Variants in NRXN2 observed in about 807,000 individuals in gnomAD.
The protein encoded by NRXN2 is neurexin-2-beta.
NRXN2 carries 29 observed loss-of-function variants against 128.8 expected under a neutral mutation model. That is an observed-to-expected ratio of 0.23 (90% CI 0.17 to 0.31). The LOEUF is 0.31. Among genes scored for constraint, NRXN2 ranks in the 10% least tolerant of loss-of-function variants. The pLI is 1.00. For missense variants in NRXN2, 1,881 were observed against 2,452.6 expected, an observed-to-expected ratio of 0.77 and a Z score of 4.92; for synonymous variants, 1,098 against 1,075.2, an observed-to-expected ratio of 1.02 and a Z score of -0.41.
intron 6 of NRXN2, 28 bp from the exon 7 acceptor site, chr11:64,677,065 A>G (rs780239246): frequency 1.5e-6 from 2 of 1,299,950 alleles, no homozygotes; most frequent in Non-Finnish European, 2.1e-6. Context: ...GGGGATGGGG[A>G]GGAGGGGGGT....
intron 5 of NRXN2, among the ~76,000 whole-genome samples, chr11:64,689,804 A>C (rs1001141975): frequency 6.6e-6 from 1 of 152,214 alleles, no homozygotes; most frequent in African/African-American, 2.4e-5. Context: ...GATGGCGGAA[A>C]TCCAGGCAAA....
intron 3 of NRXN2, 29 bp downstream of exon 3, chr11:64,697,746 T>C: frequency 1.2e-6 from 2 of 1,613,466 alleles, no homozygotes; most frequent in Non-Finnish European, 1.7e-6. Flanking sequence ...ACAGATCCAC[T>C]ACCCCAGTGA....
intron 6 of NRXN2, among the ~76,000 whole-genome samples, chr11:64,680,914 T>C (rs1216002610): frequency 6.6e-6 from 1 of 151,892 alleles, no homozygotes; most frequent in Non-Finnish European, 1.5e-5. Flanking sequence ...CTGGCCAACA[T>C]GGTGAAACCC....
In NRXN2 at chr11:64,635,204, A is replaced by G; in HGVS notation, c.3585+67T>C. The G allele has an allele frequency of 6.4e-7, 1 of 1,571,882 alleles. No individual in the cohort carries two copies. Among genetic ancestry groups the G allele is most frequent in the Middle Eastern group, 2.3e-4 (1 of 4,410 alleles). The stretch of plus-strand genomic sequence containing the variant: ...GACTTGAGGTGCTGATCCCATGGCA[A>G]TGAGGGGCTGAACTGATTTGGGAGC... On this transcript the variant is annotated intron_variant, in intron 18 of 22. Transcript: ENST00000265459. The surrounding 1 kb of genome is among the most constrained non-coding windows in gnomAD (Gnocchi z 4.8).
intron 1 of NRXN2, among the ~76,000 whole-genome samples, chr11:64,722,561 A>C (rs2057461548): frequency 6.7e-6 from 1 of 150,136 alleles, no homozygotes; most frequent in African/African-American, 2.5e-5. Context: ...CCTCCCACGA[A>C]GCCCAGTTTC....
At position 64,631,082 on chromosome 11, in the gene NRXN2, G is replaced by A. The variant is rs550206690; in HGVS notation, c.3586-509C>T. ...CTCTGTACCAAGCAGGCCCCCAGGG[G>A]GCTTCCACCCACACCAGGGCATTAG... On this transcript the variant is annotated intron_variant, in intron 18 of 22. Transcript: ENST00000265459. The surrounding 1 kb of genome is among the most constrained non-coding windows in gnomAD (Gnocchi z 4.8). Among the ~76,000 whole-genome samples, 2 of 152,342 alleles carry A rather than the reference G, an allele frequency of 1.3e-5. No individual in the cohort carries two copies. Among genetic ancestry groups the A allele is most frequent in the South Asian group, 4.1e-4 (2 of 4,830 alleles).
intron 17 of NRXN2, chr11:64,643,161 G>A (rs2046021152): frequency 4.1e-6 from 4 of 976,228 alleles, no homozygotes; most frequent in African/African-American, 3.7e-5. Flanking sequence ...GGAGCGCGGG[G>A]GCCAAGCAGG....
rs756556861 is a variant in NRXN2, at chr11:64,622,790, C to T, written c.4136G>A (p.Arg1379Gln). ...GTCCCTCAGTGTGGGGGAGCGGCCC[C>T]GGCGCGTGGTGGTAGTGGCCATGGT... Reference protein sequence around the residue: ...TTTMATTTTRRGRSPTLRDST... With the variant: ...TTTMATTTTRQGRSPTLRDST... Residue 1379 changes from arginine (R) to glutamine (Q), a missense_variant, in exon 21 of 23, where the codon CGG becomes CAG. This residue lies in a region of NRXN2 where 108 missense variants were observed against 165.2 expected (regional missense o/e 0.65). Coordinates refer to ENST00000265459, the MANE Select transcript of NRXN2 (RefSeq NM_015080.4). This position sits in a 1 kb window ranked among gnomAD's most constrained non-coding sequence, Gnocchi z 4.3. The T allele has an allele frequency of 3.1e-6, 5 of 1,611,794 alleles. No individual in the cohort carries two copies. Among genetic ancestry groups the T allele is most frequent in the Non-Finnish European group, 4.2e-6 (5 of 1,179,928 alleles).
At chr11:64,638,107 G>A (rs532611232) in intron 17 of NRXN2, among the ~76,000 whole-genome samples, 6 of 152,128 alleles carry the variant, frequency 3.9e-5, no homozygotes, top group Non-Finnish European at 8.8e-5. Context: ...CCCAGGACAG[G>A]GACTGGCCAA....
chr11:64,666,241 G>A (rs957702543), intron 9 of NRXN2, among the ~76,000 whole-genome samples: 7 of 145,184 alleles, frequency 4.8e-5, no homozygotes, highest in South Asian at 2.1e-4. Flanking sequence ...TTCCTCTGTC[G>A]CCCAGGCTGG....
intron 22 of NRXN2, among the ~76,000 whole-genome samples, chr11:64,609,241 C>A (rs983915490): frequency 6.6e-6 from 1 of 152,054 alleles, no homozygotes; most frequent in African/African-American, 2.4e-5. Flanking sequence ...CTCTGACCCC[C>A]ACTGACTTCC....
chr11:64,661,351 T>G (rs1015464341), intron 9 of NRXN2: 1 of 1,449,890 alleles, frequency 6.9e-7, no homozygotes, highest in South Asian at 1.4e-5. Flanking sequence ...GAGGCTTCTG[T>G]GACGCAGCCC....
chr11:64,657,704 C>T (rs1337285615), intron 11 of NRXN2, among the ~76,000 whole-genome samples: 1 of 152,186 alleles, frequency 6.6e-6, no homozygotes, highest in African/African-American at 2.4e-5. Context: ...AGAACTCTTC[C>T]CATCCCAACC....
In NRXN2 at chr11:64,647,205, C is replaced by T. The variant is rs566040031; in HGVS notation, c.3403+1014G>A. Among the ~76,000 whole-genome samples, 161 of 133,690 alleles carry T rather than the reference C, an allele frequency of 1.2e-3. 1 individual carries two copies. Among genetic ancestry groups the T allele is most frequent in the African/African-American group, 5.0e-3 (155 of 30,848 alleles). 87.7% of individuals were successfully genotyped at this position (133,690 alleles called of 152,430 possible). The stretch of plus-strand genomic sequence containing the variant: ...CCATGTCTGTAAAATGGAGACGCTT[C>T]GTTGTGTGTGTGTGTGTGTGTGTGT... On this transcript the variant is annotated intron_variant, in intron 17 of 22. Coordinates refer to ENST00000265459, the MANE Select transcript of NRXN2 (RefSeq NM_015080.4).
In NRXN2 at chr11:64,630,681, C is replaced by A. The variant is rs1036002258; in HGVS notation, c.3586-108G>T. The stretch of plus-strand genomic sequence containing the variant: ...GCCCAGCTCCGCAGCACTTAAGGCA[C>A]CTTTCCCAGGTCTCAACCGCTGGAG... On this transcript the variant is annotated intron_variant, in intron 18 of 22. Transcript: ENST00000265459. The surrounding 1 kb of genome is among the most constrained non-coding windows in gnomAD (Gnocchi z 4.6). 30 of 1,310,048 alleles carry A rather than the reference C, an allele frequency of 2.3e-5. No individual in the cohort carries two copies. The East Asian group carries it at 6.9e-4, about 30-fold the overall frequency. 81.2% of individuals were successfully genotyped at this position (1,310,048 alleles called of 1,614,324 possible).
chr11:64,642,709 GGT>G, intron 17 of NRXN2: 1 of 1,479,018 alleles, frequency 6.8e-7, no homozygotes, highest in Non-Finnish European at 9.0e-7. Context: ...CGGCAGCAGA[GGT>G]GGCGGCGGCG....
At position 64,635,250 on chromosome 11, in the gene NRXN2, G is replaced by C. The variant is rs1370081799; in HGVS notation, c.3585+21C>G. ...GGAGCAGGAAGCTTGAGGTTGAAGG[G>C]TTGGGGCCCAGGGTCCTTACGATGT... On this transcript the variant is annotated intron_variant, in intron 18 of 22. Transcript: ENST00000265459. This position sits in a 1 kb window ranked among gnomAD's most constrained non-coding sequence, Gnocchi z 4.8. The C allele has an allele frequency of 6.2e-7, 1 of 1,611,242 alleles. No individual in the cohort carries two copies. The highest frequency in any genetic ancestry group is 1.7e-5 in the Admixed American group (1 of 59,994).
At chr11:64,642,669 C>T (rs569067675) in intron 17 of NRXN2, 4 of 1,554,986 alleles carry the variant, frequency 2.6e-6, no homozygotes, top group South Asian at 2.4e-5. Context: ...CGGCCGCCCC[C>T]AGCAGCAACA....
At chr11:64,692,966 A>G in intron 3 of NRXN2, 90 bp from the exon 4 acceptor site, 1 of 1,122,760 alleles carries the variant, frequency 8.9e-7, no homozygotes, top group South Asian at 1.4e-5. Context: ...AACACGAGTC[A>G]TCAAAATCAG....
Sources: gnomAD v4.1 joint callset for allele counts (sites outside exome capture counted in the v4.1 genomes callset) on GRCh38, gnomAD v4.1.1 for gene constraint, gnomAD v4.1.1 regional missense constraint, Gnocchi (gnomAD v3.1) non-coding constraint, MANE v1.5 for transcripts, NCBI Gene and HGNC (gene_info 2026-07-23, HGNC 2026-07-21) for gene names.